The following GAS7 variants were observed in gnomAD, a reference collection of about 807,000 sequenced individuals.
GAS7 encodes the protein growth arrest specific 7, also known as growth arrest-specific protein 7.
In GAS7, 28 loss-of-function variants were observed where a neutral mutation model predicts 71.1. The ratio of observed to expected loss-of-function variants is 0.39; its 90% confidence interval spans 0.29 to 0.54. GAS7 has a LOEUF of 0.54. GAS7 is among the 20% of genes least tolerant of loss of function. GAS7 has a pLI of 0.62. For missense variants in GAS7, 436 were observed against 627.8 expected (o/e 0.69, Z 3.27); for synonymous variants, 258 against 245.8 (o/e 1.05, Z -0.46).
intron 1 of GAS7, among the ~76,000 whole-genome samples, chr17:10,102,063 T>C (rs1046130113): frequency 1.3e-5 from 2 of 152,036 alleles, no homozygotes; most frequent in South Asian, 2.1e-4. Context: ...TATAGGGTCA[T>C]TGTTTAGCTC....
At chr17:10,044,722 C>G (rs747942460) in intron 1 of GAS7, among the ~76,000 whole-genome samples, 4 of 152,116 alleles carry the variant, frequency 2.6e-5, no homozygotes, top group Admixed American at 6.6e-5. Flanking sequence ...ATAAGTAGAT[C>G]TGTGCAGTTC....
At chr17:9,948,712 G>A (rs982254849) in intron 5 of GAS7, among the ~76,000 whole-genome samples, 1 of 152,056 alleles carries the variant, frequency 6.6e-6, no homozygotes, top group Non-Finnish European at 1.5e-5. Context: ...GGTTGCACGT[G>A]TAAGGCTGGC....
At chr17:10,045,418 C>T (rs1369271166) in intron 1 of GAS7, among the ~76,000 whole-genome samples, 3 of 152,026 alleles carry the variant, frequency 2.0e-5, no homozygotes, top group Non-Finnish European at 4.4e-5. Context: ...TAGTATTGGC[C>T]GGGTGTGGTG....
chr17:10,026,248 C>T lies in GAS7; in HGVS notation c.184-6351G>A. 2.0e-6 allele frequency: 2 copies of T among 985,274 alleles called. No homozygotes were observed. 61.0% of individuals were successfully genotyped at this position (985,274 alleles called of 1,614,324 possible). A position where few individuals can be genotyped will look rare whatever the true frequency, so the allele number is the denominator to read the frequency against. ...CAGATCAGACGGTTTTAAGGTCTCCCACTCTGCATCCTCTCACACCCCAAA... is the reference window on the plus strand; with the variant it reads ...CAGATCAGACGGTTTTAAGGTCTCCTACTCTGCATCCTCTCACACCCCAAA... On this transcript the variant is annotated intron_variant, in intron 1 of 13. Transcript: ENST00000432992. This position sits in a 1 kb window ranked among gnomAD's most constrained non-coding sequence, Gnocchi z 4.5.
intron 1 of GAS7, among the ~76,000 whole-genome samples, chr17:10,048,761 A>G (rs1307792762): frequency 6.6e-6 from 1 of 152,150 alleles, no homozygotes; most frequent in Non-Finnish European, 1.5e-5. Context: ...CCATCTCCTT[A>G]CCCTCCAGGC....
At chr17:10,172,043 G>A (rs145677212) in intron 1 of GAS7, among the ~76,000 whole-genome samples, 44 of 152,258 alleles carry the variant, frequency 2.9e-4, no homozygotes, top group Middle Eastern at 3.4e-3. Context: ...TCTAGCATTC[G>A]CAAAAGCAAC....
chr17:10,129,070 G>T (rs551691541), intron 1 of GAS7, among the ~76,000 whole-genome samples: 2 of 152,228 alleles, frequency 1.3e-5, no homozygotes, highest in East Asian at 3.9e-4. Context: ...GGTAAGAGGA[G>T]CCTTGATAGC....
chr17:10,169,603 T>C (rs1329171815), intron 1 of GAS7, among the ~76,000 whole-genome samples: 1 of 152,132 alleles, frequency 6.6e-6, no homozygotes, highest in Non-Finnish European at 1.5e-5. Flanking sequence ...GAGAACTGTC[T>C]GGTTTCCTGG....
In GAS7 at chr17:10,105,996, C is replaced by T. The variant is rs116184570; in HGVS notation, c.184-86099G>A. On this transcript the variant is annotated intron_variant, in intron 1 of 13. Coordinates refer to ENST00000432992, the MANE Select transcript of GAS7 (RefSeq NM_201433.2). ...CTTCTCATCATTATCCCTGCCACCACCCAGGCGGGGCCTTTATCCTCTCCT... is the reference window on the plus strand; with the variant it reads ...CTTCTCATCATTATCCCTGCCACCATCCAGGCGGGGCCTTTATCCTCTCCT... 6.6e-3 allele frequency among the ~76,000 whole-genome samples: 1,001 copies of T among 152,288 alleles called. 5 individuals are homozygous for T. The highest frequency in any genetic ancestry group is 0.023 in the African/African-American group (941 of 41,558).
intron 1 of GAS7, among the ~76,000 whole-genome samples, chr17:10,167,071 T>TTTTTTTTTTTTTTTG: frequency 8.1e-6 from 1 of 123,846 alleles, no homozygotes; most frequent in Admixed American, 8.6e-5. Flanking sequence ...TTTTTTTTTT[T>TTTTTTTTTTTTTTTG]TTTGAGACAG....
In GAS7 at chr17:10,026,295, A is replaced by C; in HGVS notation, c.184-6398T>G. On this transcript the variant is annotated intron_variant, in intron 1 of 13. Coordinates refer to ENST00000432992, the MANE Select transcript of GAS7 (RefSeq NM_201433.2). This position sits in a 1 kb window ranked among gnomAD's most constrained non-coding sequence, Gnocchi z 4.5. ...CAAACCCAGAAGCAATAGGAGCTCTAAAGAAAAGCATATCCACAGGGCCCC... is the reference window on the plus strand; with the variant it reads ...CAAACCCAGAAGCAATAGGAGCTCTCAAGAAAAGCATATCCACAGGGCCCC... 2 of 985,372 alleles carry C rather than the reference A, an allele frequency of 2.0e-6. No individual in the cohort carries two copies. The highest frequency in any genetic ancestry group is 2.4e-6 in the Non-Finnish European group (2 of 829,912). 61.0% of individuals were successfully genotyped at this position (985,372 alleles called of 1,614,324 possible).
chr17:9,927,074 A>G lies in GAS7; in HGVS notation c.886-305T>C, dbSNP rs2068030227. On this transcript the variant is annotated intron_variant, in intron 9 of 13. Coordinates refer to ENST00000432992, the MANE Select transcript of GAS7 (RefSeq NM_201433.2). ...TTTTCTGAGCTTCTGCAGCTTTTAA[A>G]TTTTTAGAATTTTTTACTATTTATG... 1.3e-5 allele frequency: 4 copies of G among 310,204 alleles called. No homozygotes were observed. In the Middle Eastern group the frequency reaches 3.0e-3, roughly 236 times the overall value. The allele number at this position is 310,204 out of a possible 1,614,324, so 19.2% of individuals were successfully genotyped here.
At chr17:10,074,014 G>A (rs147527818) in intron 1 of GAS7, among the ~76,000 whole-genome samples, 1 of 152,300 alleles carries the variant, frequency 6.6e-6, no homozygotes, top group Non-Finnish European at 1.5e-5. Flanking sequence ...CTGAGAATAT[G>A]CAGATGAATG....
intron 1 of GAS7, among the ~76,000 whole-genome samples, chr17:10,150,863 A>C (rs1489598207): frequency 6.6e-6 from 1 of 152,128 alleles, no homozygotes; most frequent in Admixed American, 6.5e-5. Context: ...TGCTGGGATT[A>C]CAGGCGTGAG....
At chr17:9,982,971 T>C (rs555635442) in intron 2 of GAS7, among the ~76,000 whole-genome samples, 2 of 152,318 alleles carry the variant, frequency 1.3e-5, no homozygotes, top group East Asian at 1.9e-4. Flanking sequence ...AGACTTCTTA[T>C]GAAGTTATCT....
chr17:9,989,024 T>C (rs2152139990), intron 2 of GAS7, among the ~76,000 whole-genome samples: 1 of 152,236 alleles, frequency 6.6e-6, no homozygotes, highest in East Asian at 1.9e-4. Context: ...AATTTTTTTG[T>C]ATTTTTAGTA....
At chr17:10,157,762 C>A (rs143000348) in intron 1 of GAS7, among the ~76,000 whole-genome samples, 1 of 152,322 alleles carries the variant, frequency 6.6e-6, no homozygotes, top group African/African-American at 2.4e-5. Context: ...TTAAAAGCCA[C>A]CCTTAGACAT....
chr17:10,059,991 G>A (rs545194443), intron 1 of GAS7, among the ~76,000 whole-genome samples: 4 of 152,322 alleles, frequency 2.6e-5, no homozygotes, highest in South Asian at 4.1e-4. Context: ...CTCTGGAGAA[G>A]TGCCTGGTCC....
At position 10,198,476 on chromosome 17, in the gene GAS7, CCGGCGCTCCGG is replaced by C. The variant is rs2074557749; in HGVS notation, c.-97_-87del. The stretch of plus-strand genomic sequence containing the variant: ...AGCGGCTCCGCGGGGTCCCAGGCGC[CCGGCGCTCCGG>C]GCTCCCGCGCTCTGGGCGCGCGCCG... On this transcript the variant is annotated 5_prime_UTR_variant, in exon 1 of 14. Coordinates refer to ENST00000432992, the MANE Select transcript of GAS7 (RefSeq NM_201433.2). 2.0e-6 allele frequency: 2 copies of C among 1,023,124 alleles called. No homozygotes were observed. Among genetic ancestry groups the C allele is most frequent in the Non-Finnish European group, 2.6e-6 (2 of 765,634 alleles). The allele number at this position is 1,023,124 out of a possible 1,614,324, so 63.4% of individuals were successfully genotyped here.
Sources: allele counts gnomAD v4.1 joint callset (sites outside exome capture counted in the v4.1 genomes callset), GRCh38; gene constraint gnomAD v4.1.1; non-coding constraint Gnocchi (gnomAD v3.1); transcripts MANE v1.5; gene names NCBI Gene and HGNC (gene_info 2026-07-23, HGNC 2026-07-21).